SLC14A2: variants seen among roughly 807,000 people sequenced by gnomAD.
The protein encoded by SLC14A2 is solute carrier family 14 member 2, also known as urea transporter 2.
Under a neutral mutation model 104.6 loss-of-function variants are expected in SLC14A2, and 91 were observed. That is an observed-to-expected ratio of 0.87 (90% confidence interval 0.73 to 1.04). SLC14A2 has a LOEUF of 1.04. Ranked by LOEUF, SLC14A2 falls within the 50% of genes least tolerant of loss-of-function variation. SLC14A2 has a pLI of 0.00. For missense variants in SLC14A2, 1,189 were observed against 1,156.0 expected (o/e 1.03, Z -0.41); for synonymous variants, 476 against 466.4 (o/e 1.02, Z -0.27).
intron 1 of SLC14A2, among the ~76,000 whole-genome samples, chr18:45,319,055 G>C (rs544776706): frequency 6.6e-6 from 1 of 152,326 alleles, no homozygotes; most frequent in Non-Finnish European, 1.5e-5. Flanking sequence ...CCTGCCAGGT[G>C]AGCCTCAGGC....
intron 2 of SLC14A2, among the ~76,000 whole-genome samples, chr18:45,512,363 C>A (rs888459025): frequency 6.6e-6 from 1 of 152,070 alleles, no homozygotes; most frequent in African/African-American, 2.4e-5. Context: ...ATACCTAGGC[C>A]AGGGAGAAGA....
rs377706643 is a variant in SLC14A2, at chr18:45,601,983, G to A, written c.-34-22648G>A. On this transcript the variant is annotated intron_variant, in intron 2 of 20. Transcript: ENST00000586448. ...CATTCTGTCGGGTGAGGGCATGTAC[G>A]GTTGTGCATGATGCCCAGGGGTCTC... 9.3e-4 allele frequency among the ~76,000 whole-genome samples: 141 copies of A among 152,342 alleles called. 1 individual carries two copies. Among genetic ancestry groups the A allele is most frequent in the African/African-American group, 3.0e-3 (125 of 41,576 alleles).
intron 2 of SLC14A2, among the ~76,000 whole-genome samples, chr18:45,491,374 A>T (rs1376507875): frequency 6.6e-6 from 1 of 152,206 alleles, no homozygotes; most frequent in Non-Finnish European, 1.5e-5. Flanking sequence ...CATATAAAAC[A>T]ATGTTATCAA....
intron 1 of SLC14A2, among the ~76,000 whole-genome samples, chr18:45,234,773 G>A (rs1427899172): frequency 6.6e-6 from 1 of 152,168 alleles, no homozygotes; most frequent in African/African-American, 2.4e-5. Context: ...GGAGTTTCTA[G>A]AACCAAACTC....
the SLC14A2 span, among the ~76,000 whole-genome samples, chr18:45,176,551 C>A: frequency 6.6e-6 from 1 of 152,084 alleles, no homozygotes; most frequent in African/African-American, 2.4e-5. Context: ...AGATGGAAAC[C>A]CCCAGAATAA....
intron 1 of SLC14A2, among the ~76,000 whole-genome samples, chr18:45,359,307 G>A (rs1292019483): frequency 6.6e-6 from 1 of 152,152 alleles, no homozygotes. Context: ...AAAAGAGATG[G>A]GAAGCAGGCC....
chr18:45,472,223 T>C (rs564110922), intron 1 of SLC14A2, among the ~76,000 whole-genome samples: 7 of 151,912 alleles, frequency 4.6e-5, no homozygotes, highest in Non-Finnish European at 7.4e-5. Context: ...TTTTTCATGC[T>C]GCATAGTATT....
At chr18:45,599,755 G>C (rs2044763431) in intron 2 of SLC14A2, among the ~76,000 whole-genome samples, 1 of 152,196 alleles carries the variant, frequency 6.6e-6, no homozygotes. Flanking sequence ...AAAGAAAGAG[G>C]TTTAATGGAC....
intron 8 of SLC14A2, 124 bp downstream of exon 8, chr18:45,641,467 C>T (rs529770460): frequency 1.9e-5 from 21 of 1,079,806 alleles, no homozygotes; most frequent in African/African-American, 1.7e-4. Flanking sequence ...CAATGGCTTG[C>T]GTCCTAATGC....
chr18:45,255,177 G>A (rs1054705798), intron 1 of SLC14A2, among the ~76,000 whole-genome samples: 3 of 151,674 alleles, frequency 2.0e-5, no homozygotes, highest in Non-Finnish European at 4.4e-5. Context: ...CATCTTTTCC[G>A]GCTCTGCATT....
At chr18:45,235,327 G>C (rs2084214156) in intron 1 of SLC14A2, among the ~76,000 whole-genome samples, 1 of 152,078 alleles carries the variant, frequency 6.6e-6, no homozygotes, top group Non-Finnish European at 1.5e-5. Flanking sequence ...ATGGGATCCA[G>C]TGTGATATTT....
At chr18:45,473,288 T>C (rs1346191459) in intron 1 of SLC14A2, among the ~76,000 whole-genome samples, 5 of 152,240 alleles carry the variant, frequency 3.3e-5, no homozygotes, top group African/African-American at 7.2e-5. Flanking sequence ...AGCGTTGTAG[T>C]ATGGTTTGAA....
chr18:45,395,939 C>T (rs1301809295), intron 1 of SLC14A2, among the ~76,000 whole-genome samples: 1 of 152,146 alleles, frequency 6.6e-6, no homozygotes, highest in African/African-American at 2.4e-5. Flanking sequence ...CACATCGTTT[C>T]AGGTGTGATC....
intron 1 of SLC14A2, among the ~76,000 whole-genome samples, chr18:45,305,313 A>G (rs1283910870): frequency 1.3e-5 from 2 of 152,218 alleles, no homozygotes; most frequent in Non-Finnish European, 2.9e-5. Context: ...GTTTAATGTT[A>G]TTACCACTTT....
At chr18:45,651,570 T>A (rs1345754751) in intron 10 of SLC14A2, among the ~76,000 whole-genome samples, 1 of 152,190 alleles carries the variant, frequency 6.6e-6, no homozygotes, top group Non-Finnish European at 1.5e-5. Flanking sequence ...TAATGTCCTA[T>A]AAGGTCCTAA....
intron 5 of SLC14A2, chr18:45,634,942 T>C (rs2045395589): frequency 6.6e-6 from 3 of 452,210 alleles, no homozygotes; most frequent in Admixed American, 2.4e-5. Context: ...GTGATATCCA[T>C]GAACATGGTA....
chr18:45,658,461 G>A lies in SLC14A2; in HGVS notation c.1352-5324G>A, dbSNP rs183725576. The stretch of plus-strand genomic sequence containing the variant: ...CCGGGTGTAGTGTCTCACACCTGTA[G>A]TCCCAGCTACTCGGGAGGCTGAGAC... On this transcript the variant is annotated intron_variant, in intron 10 of 19. Transcript: ENST00000255226. Among the ~76,000 whole-genome samples, 8 of 152,094 alleles carry A rather than the reference G, an allele frequency of 5.3e-5. No individual in the cohort carries two copies. In the East Asian group the frequency reaches 1.4e-3, roughly 26 times the overall value.
At chr18:45,429,785 G>T (rs1307172922) in intron 1 of SLC14A2, among the ~76,000 whole-genome samples, 13 of 152,102 alleles carry the variant, frequency 8.5e-5, no homozygotes, top group Admixed American at 8.5e-4. Flanking sequence ...GACTCCCCTG[G>T]GGTGGCTGAG....
At chr18:45,660,240 G>T (rs964349986) in intron 10 of SLC14A2, among the ~76,000 whole-genome samples, 1 of 152,292 alleles carries the variant, frequency 6.6e-6, no homozygotes, top group South Asian at 2.1e-4. Flanking sequence ...AGGTAAAATG[G>T]CATAATCCTG....
Sources: gnomAD v4.1 joint callset for allele counts (sites outside exome capture counted in the v4.1 genomes callset) on GRCh38, gnomAD v4.1.1 for gene constraint, MANE v1.5 for transcripts, NCBI Gene and HGNC (gene_info 2026-07-23, HGNC 2026-07-21) for gene names.